The following SVOP variants were observed in gnomAD, a reference collection of about 807,000 sequenced individuals.
SVOP encodes SV2 related protein, also known as synaptic vesicle 2-related protein.
In SVOP, 17 loss-of-function variants were observed where a neutral mutation model predicts 69.1. The observed-to-expected ratio is 0.25, with a 90% CI of 0.17 to 0.37. SVOP has a LOEUF of 0.37. Among genes scored for constraint, SVOP ranks in the 10% least tolerant of loss-of-function variants. The pLI, the probability that SVOP is intolerant of heterozygous loss-of-function variation, is 1.00. For missense variants in SVOP, 435 were observed against 597.5 expected, an observed-to-expected ratio of 0.73 and a Z score of 2.84; for synonymous variants, 238 against 238.6, an observed-to-expected ratio of 1.00 and a Z score of 0.02.
At chr12:109,000,220 A>G (rs1593205503) in intron 1 of SVOP, among the ~76,000 whole-genome samples, 1 of 151,800 alleles carries the variant, frequency 6.6e-6, no homozygotes, top group African/African-American at 2.4e-5. Flanking sequence ...GAAGAAATGG[A>G]TAAATTCCTC....
At chr12:108,958,631 T>C (rs1407179098) in intron 6 of SVOP, among the ~76,000 whole-genome samples, 1 of 152,180 alleles carries the variant, frequency 6.6e-6, no homozygotes, top group African/African-American at 2.4e-5. Context: ...CTGTGGAGGA[T>C]GCTGTGATGT....
At chr12:108,953,860 C>A (rs924367783) in intron 6 of SVOP, among the ~76,000 whole-genome samples, 1 of 151,994 alleles carries the variant, frequency 6.6e-6, no homozygotes, top group Non-Finnish European at 1.5e-5. Flanking sequence ...GCCTGTAATC[C>A]CAGCACTTTG....
intron 1 of SVOP, among the ~76,000 whole-genome samples, chr12:109,013,735 G>A (rs764814344): frequency 5.3e-5 from 8 of 152,062 alleles, no homozygotes; most frequent in East Asian, 3.9e-4. Context: ...CATTAAGCAC[G>A]TTCACATTGT....
intron 7 of SVOP, among the ~76,000 whole-genome samples, chr12:108,944,193 T>A (rs574698934): frequency 5.5e-4 from 83 of 150,984 alleles, no homozygotes; most frequent in African/African-American, 1.8e-3. Flanking sequence ...TTTTTTTTTT[T>A]AATAGATGGG....
At chr12:108,913,462 G>C (rs73410985) in intron 15 of SVOP, among the ~76,000 whole-genome samples, 1,579 of 152,246 alleles carry the variant, frequency 0.01, 29 homozygotes, top group African/African-American at 0.036. Flanking sequence ...AGAAAACTGA[G>C]GCTCAAAGAG....
At chr12:108,969,794 C>T (rs2040068340) in intron 5 of SVOP, among the ~76,000 whole-genome samples, 1 of 151,154 alleles carries the variant, frequency 6.6e-6, no homozygotes, top group Non-Finnish European at 1.5e-5. Flanking sequence ...CATGCCATCA[C>T]TCATATGCTC....
At position 108,977,419 on chromosome 12, in the gene SVOP, C is replaced by A; in HGVS notation, c.360G>T (p.Trp120Cys). Reference protein sequence around the residue: ...QLHCEWRLPSWQVALLTSVVF... With the variant: ...QLHCEWRLPSCQVALLTSVVF... ...CTACCGAGGTCAGCAATGCCACCTGCCAGCTTGGGAGCCTCCACTCGCAAT... is the reference window on the plus strand; with the variant it reads ...CTACCGAGGTCAGCAATGCCACCTGACAGCTTGGGAGCCTCCACTCGCAAT... Residue 120 changes from tryptophan to cysteine, a missense_variant, in exon 4 of 16, where the codon TGG becomes TGT. Coordinates refer to ENST00000610966, the MANE Select transcript of SVOP (RefSeq NM_018711.5). 6.5e-7 allele frequency: 1 copy of A among 1,537,186 alleles called. No homozygotes were observed. Among genetic ancestry groups the A allele is most frequent in the Non-Finnish European group, 8.7e-7 (1 of 1,146,874 alleles).
At position 108,937,733 on chromosome 12, in the gene SVOP, G is replaced by A. The variant is rs563628603; in HGVS notation, c.898-396C>T. Among the ~76,000 whole-genome samples the A allele has an allele frequency of 2.0e-5, 3 of 152,330 alleles. No individual in the cohort carries two copies. The South Asian group carries it at 6.2e-4, about 32-fold the overall frequency. On this transcript the variant is annotated intron_variant, in intron 9 of 15. Transcript: ENST00000610966. ...CCAGTTCTAGGTCTAGGTGGCAACA[G>A]TTAATGTGCTGAGAAACTAATTCAC... is the stretch of plus-strand genomic sequence containing the variant.
intron 1 of SVOP, among the ~76,000 whole-genome samples, chr12:108,993,563 G>C (rs963119499): frequency 6.6e-6 from 1 of 152,012 alleles, no homozygotes; most frequent in Non-Finnish European, 1.5e-5. Flanking sequence ...ACCAGGAGGG[G>C]ATAAGAATTT....
At chr12:108,949,177 G>A (rs1326963878) in intron 6 of SVOP, among the ~76,000 whole-genome samples, 2 of 152,144 alleles carry the variant, frequency 1.3e-5, no homozygotes, top group East Asian at 3.8e-4. Flanking sequence ...TAAGCATGCA[G>A]AGTATATGAT....
intron 11 of SVOP, among the ~76,000 whole-genome samples, chr12:108,923,847 CAG>C (rs1198684248): frequency 6.6e-6 from 1 of 152,072 alleles, no homozygotes; most frequent in Non-Finnish European, 1.5e-5. Context: ...CTGTTCCAGG[CAG>C]AGTTAATAAA....
intron 11 of SVOP, among the ~76,000 whole-genome samples, chr12:108,924,584 T>C (rs2039769089): frequency 6.6e-6 from 1 of 152,128 alleles, no homozygotes; most frequent in African/African-American, 2.4e-5. Flanking sequence ...AGGGACCCTG[T>C]CTCAGGAGGC....
intron 13 of SVOP, 98 bp from the exon 14 acceptor site, chr12:108,918,222 G>T (rs2039726035): frequency 1.1e-6 from 1 of 940,622 alleles, no homozygotes; most frequent in Non-Finnish European, 1.5e-6. Flanking sequence ...CTAGCAATTG[G>T]CAAAGGTTAC....
intron 1 of SVOP, among the ~76,000 whole-genome samples, chr12:109,008,930 T>C (rs2040324798): frequency 6.6e-6 from 1 of 151,792 alleles, no homozygotes; most frequent in Admixed American, 6.6e-5. Context: ...GTTGGTTATT[T>C]GTCTTTGTAA....
At chr12:108,944,471 T>C (rs1021080174) in intron 7 of SVOP, among the ~76,000 whole-genome samples, 2 of 152,058 alleles carry the variant, frequency 1.3e-5, no homozygotes, top group African/African-American at 4.8e-5. Context: ...GACATCAGAG[T>C]GGGTTCATAG....
At chr12:108,920,140 C>T (rs1320421538) in intron 12 of SVOP, among the ~76,000 whole-genome samples, 1 of 152,202 alleles carries the variant, frequency 6.6e-6, no homozygotes, top group East Asian at 1.9e-4. Flanking sequence ...GCAACCATGT[C>T]AGTAAGCATG....
chr12:108,969,814 G>A (rs1309324144), intron 5 of SVOP, among the ~76,000 whole-genome samples: 1 of 151,784 alleles, frequency 6.6e-6, no homozygotes, highest in Non-Finnish European at 1.5e-5. Context: ...CCAGAAACAG[G>A]AAGTGGGTGG....
At chr12:109,003,364 G>T (rs763238243) in intron 1 of SVOP, among the ~76,000 whole-genome samples, 29 of 152,234 alleles carry the variant, frequency 1.9e-4, no homozygotes, top group Non-Finnish European at 3.7e-4. Context: ...CCGTGCTCTA[G>T]TTGATGGAAC....
chr12:108,984,229 T>A (rs999865378), intron 1 of SVOP, among the ~76,000 whole-genome samples: 50,160 of 152,004 alleles, frequency 0.33, 8,779 homozygotes, highest in African/African-American at 0.44. Flanking sequence ...TGTTGCCCAG[T>A]CTGGTCTCAA....
Sources: allele counts gnomAD v4.1 joint callset (sites outside exome capture counted in the v4.1 genomes callset), GRCh38; gene constraint gnomAD v4.1.1; transcripts MANE v1.5; gene names NCBI Gene and HGNC (gene_info 2026-07-23, HGNC 2026-07-21).